The following DAAM1 variants were observed in gnomAD, a reference collection of about 807,000 sequenced individuals.
The protein encoded by DAAM1 is disheveled-associated activator of morphogenesis 1.
DAAM1 carries 52 observed loss-of-function variants against 130.0 expected under a neutral mutation model. The ratio of observed to expected loss-of-function variants is 0.40; its 90% CI spans 0.32 to 0.50. The LOEUF (loss-of-function observed/expected upper bound fraction) is 0.50. Ranked by LOEUF, DAAM1 falls within the 20% of genes least tolerant of loss-of-function variation. DAAM1 has a pLI of 0.61. For missense variants in DAAM1, 1,134 were observed against 1,303.8 expected, an observed-to-expected ratio of 0.87 and a Z score of 2.01; for synonymous variants, 452 against 444.5, an observed-to-expected ratio of 1.02 and a Z score of -0.21.
intron 3 of DAAM1, among the ~76,000 whole-genome samples, chr14:59,298,726 T>G (rs1884052922): frequency 6.6e-6 from 1 of 152,196 alleles, no homozygotes; most frequent in Non-Finnish European, 1.5e-5. Context: ...AAAAGGCAAT[T>G]GGTTTTTGAA....
chr14:59,339,932 C>A (rs1318290278), intron 15 of DAAM1, 142 bp from the exon 16 acceptor site: 1 of 557,956 alleles, frequency 1.8e-6, no homozygotes, highest in Non-Finnish European at 3.0e-6. Flanking sequence ...CATCATTCTC[C>A]ACACTTCCCA....
At chr14:59,252,380 A>G (rs1230595648) in intron 1 of DAAM1, among the ~76,000 whole-genome samples, 1 of 152,256 alleles carries the variant, frequency 6.6e-6, no homozygotes, top group Non-Finnish European at 1.5e-5. Context: ...TAAATTTGGT[A>G]TGCAAATATC....
intron 3 of DAAM1, among the ~76,000 whole-genome samples, chr14:59,303,428 A>G (rs916714499): frequency 1.3e-5 from 2 of 152,222 alleles, no homozygotes; most frequent in African/African-American, 4.8e-5. Flanking sequence ...AGAGTGATGC[A>G]TACCTTTTGT....
rs1460060982 is a variant in DAAM1, at chr14:59,370,714, C to CA, written c.*1857dup. ...CCAATCCCGAGTTAACCCAGGTCTG[C>CA]AATAACACCATGTTAAAGGTGCAGA... On this transcript the variant is annotated 3_prime_UTR_variant, in exon 25 of 25. Coordinates refer to ENST00000360909, the MANE Select transcript of DAAM1 (RefSeq NM_001270520.2). 3 of 152,212 alleles carry CA rather than the reference C, an allele frequency of 2.0e-5. No individual in the cohort carries two copies. Among genetic ancestry groups the CA allele is most frequent in the African/African-American group, 7.2e-5 (3 of 41,542 alleles). The allele number at this position is 152,212 out of a possible 1,614,324, so 9.4% of individuals were successfully genotyped here.
At chr14:59,267,902 C>CT (rs60615253) in intron 2 of DAAM1, among the ~76,000 whole-genome samples, 10 of 113,620 alleles carry the variant, frequency 8.8e-5, no homozygotes, top group African/African-American at 1.8e-4. Context: ...ACGCCCCCCC[C>CT]TTTTTTTTTT....
chr14:59,252,337 C>G (rs1156833347), intron 1 of DAAM1, among the ~76,000 whole-genome samples: 1 of 152,180 alleles, frequency 6.6e-6, no homozygotes, highest in Non-Finnish European at 1.5e-5. Context: ...GGAATCATAT[C>G]AGTATTACAA....
At position 59,340,059 on chromosome 14, in the gene DAAM1, T is replaced by G. The variant is rs1885785576; in HGVS notation, c.1969-15T>G. ...CCTGTTGGACTTTGATGGATTTCTT[T>G]CATGCTCTTTACAGAAAGAAGCAGA... On this transcript the variant is annotated splice_polypyrimidine_tract_variant and intron_variant, in intron 15 of 24. Transcript: ENST00000360909. 1 of 1,610,842 alleles carries G rather than the reference T, an allele frequency of 6.2e-7. No homozygotes were observed. The highest frequency in any genetic ancestry group is 8.5e-7 in the Non-Finnish European group (1 of 1,177,788).
chr14:59,312,982 G>T (rs1884650909), intron 3 of DAAM1, among the ~76,000 whole-genome samples: 1 of 152,204 alleles, frequency 6.6e-6, no homozygotes, highest in South Asian at 2.1e-4. Flanking sequence ...AGGAAATCTT[G>T]TCCATGAATA....
intron 3 of DAAM1, among the ~76,000 whole-genome samples, chr14:59,313,045 G>C (rs1394883548): frequency 6.6e-6 from 1 of 152,226 alleles, no homozygotes; most frequent in Admixed American, 6.5e-5. Flanking sequence ...AGTTGGATTA[G>C]AGAAATAATA....
intron 12 of DAAM1, among the ~76,000 whole-genome samples, chr14:59,328,058 G>A (rs569078142): frequency 7.8e-4 from 119 of 152,284 alleles, no homozygotes; most frequent in African/African-American, 2.7e-3. Flanking sequence ...CCTTGTCCAA[G>A]TTATTCACTC....
chr14:59,263,747 A>G, intron 2 of DAAM1, 87 bp downstream of exon 2: 1 of 1,546,362 alleles, frequency 6.5e-7, no homozygotes, highest in Non-Finnish European at 8.9e-7. Context: ...TTGGTTTGAC[A>G]TGGACTTTTC....
At chr14:59,303,779 A>G (rs1028739373) in intron 3 of DAAM1, among the ~76,000 whole-genome samples, 3 of 152,116 alleles carry the variant, frequency 2.0e-5, no homozygotes, top group Non-Finnish European at 4.4e-5. Flanking sequence ...GTGTGCCTGT[A>G]ATCCCAGCTA....
intron 1 of DAAM1, among the ~76,000 whole-genome samples, chr14:59,221,937 C>T (rs188192796): frequency 6.6e-6 from 1 of 152,342 alleles, no homozygotes; most frequent in Non-Finnish European, 1.5e-5. Context: ...GTGCCACCCA[C>T]TCCCATTTCC....
rs201248697 is a variant in DAAM1 at position 59,221,042 on chromosome 14, T to TC, written c.-38+32276dup. Among the ~76,000 whole-genome samples the TC allele has an allele frequency of 8.9e-4, 136 of 152,270 alleles. 3 individuals carry two copies. In the East Asian group the frequency reaches 0.022, roughly 25 times the overall value. On this transcript the variant is annotated intron_variant, in intron 1 of 24. Coordinates refer to ENST00000360909, the MANE Select transcript of DAAM1 (RefSeq NM_001270520.2). ...ACAAGTCTACCTTGTCAACTTAACA[T>TC]CCATACACATCCCCTTAAACCATAC...
At chr14:59,261,969 C>T (rs888795608) in intron 1 of DAAM1, among the ~76,000 whole-genome samples, 1 of 152,026 alleles carries the variant, frequency 6.6e-6, no homozygotes, top group Non-Finnish European at 1.5e-5. Flanking sequence ...GCATTCACAG[C>T]CTTGTTCTAC....
chr14:59,364,888 T>C (rs945582184), intron 23 of DAAM1, among the ~76,000 whole-genome samples: 1 of 150,104 alleles, frequency 6.7e-6, no homozygotes, highest in Non-Finnish European at 1.5e-5. Flanking sequence ...AGTCAACTCA[T>C]GTCAGCAACC....
rs1008369686 is a variant in DAAM1, at chr14:59,321,126, T to A, written c.440+542T>A. ...TCCACATAATGGAATATAATTTGGC[T>A]ACAAAAAAAAGGAATGAAGTACTGA... On this transcript the variant is annotated intron_variant, in intron 5 of 24. Coordinates refer to ENST00000360909, the MANE Select transcript of DAAM1 (RefSeq NM_001270520.2). Among the ~76,000 whole-genome samples the A allele has an allele frequency of 1.2e-4, 15 of 128,754 alleles. No homozygotes were observed. The South Asian group carries it at 3.2e-3, about 27-fold the overall frequency. The allele number at this position is 128,754 out of a possible 152,430, so 84.5% of individuals were successfully genotyped here.
At chr14:59,221,000 T>C (rs1888753822) in intron 1 of DAAM1, among the ~76,000 whole-genome samples, 1 of 152,230 alleles carries the variant, frequency 6.6e-6, no homozygotes, top group Admixed American at 6.5e-5. Flanking sequence ...GGGTACCCTT[T>C]AACCCAGTCA....
At chr14:59,327,504 T>C (rs753800611) in intron 12 of DAAM1, among the ~76,000 whole-genome samples, 5 of 147,406 alleles carry the variant, frequency 3.4e-5, no homozygotes, top group Non-Finnish European at 5.9e-5. Context: ...ACCTCCTAAG[T>C]TCACGTCATT....
Sources: allele counts gnomAD v4.1 joint callset (sites outside exome capture counted in the v4.1 genomes callset), GRCh38; gene constraint gnomAD v4.1.1; transcripts MANE v1.5; gene names NCBI Gene and HGNC (gene_info 2026-07-23, HGNC 2026-07-21).